Variants in SEMA6D observed in about 807,000 individuals in gnomAD.
The protein encoded by SEMA6D is semaphorin 6D.
Under a neutral mutation model 106.6 loss-of-function variants are expected in SEMA6D, and 35 were observed. The observed-to-expected ratio is 0.33, with a 90% CI of 0.25 to 0.44. The LOEUF (loss-of-function observed/expected upper bound fraction) is 0.44. Ranked by LOEUF, SEMA6D falls within the 20% of genes least tolerant of loss-of-function variation. The pLI, the probability that SEMA6D is intolerant of heterozygous loss-of-function variation, is 1.00. For synonymous variants in SEMA6D, 499 were observed against 487.7 expected, an observed-to-expected ratio of 1.02 and a Z score of -0.31; for missense variants, 1,185 against 1,345.9, an observed-to-expected ratio of 0.88 and a Z score of 1.87.
At chr15:47,420,655 T>G (rs1475934052) in intron 2 of SEMA6D, among the ~76,000 whole-genome samples, 4 of 152,172 alleles carry the variant, frequency 2.6e-5, no homozygotes, top group African/African-American at 9.6e-5. Context: ...CATAAGTGAC[T>G]GTTAACTTTT....
At chr15:47,214,369 C>T (rs577900103) in intron 1 of SEMA6D, among the ~76,000 whole-genome samples, 1 of 152,162 alleles carries the variant, frequency 6.6e-6, no homozygotes, top group Admixed American at 6.5e-5. Flanking sequence ...GTCTGGAAGG[C>T]TTCACAAGCA....
At chr15:47,613,502 C>T (rs2076950404) in intron 4 of SEMA6D, among the ~76,000 whole-genome samples, 1 of 152,086 alleles carries the variant, frequency 6.6e-6, no homozygotes. Flanking sequence ...CCAGGTAGTG[C>T]TCAGTTTTAG....
intron 1 of SEMA6D, among the ~76,000 whole-genome samples, chr15:47,212,500 T>C (rs143073699): frequency 2.5e-3 from 378 of 152,326 alleles, no homozygotes; most frequent in African/African-American, 8.7e-3. Context: ...ATTCAATAAA[T>C]GATTGCTATT....
At chr15:47,348,868 A>C (rs1013467716) in intron 1 of SEMA6D, among the ~76,000 whole-genome samples, 1 of 152,056 alleles carries the variant, frequency 6.6e-6, no homozygotes, top group African/African-American at 2.4e-5. Context: ...CATCCTGATG[A>C]GAGTTGTCCT....
chr15:47,508,329 G>A (rs2141726220), intron 3 of SEMA6D, among the ~76,000 whole-genome samples: 1 of 152,248 alleles, frequency 6.6e-6, no homozygotes, highest in African/African-American at 2.4e-5. Flanking sequence ...TTCTTCCAGG[G>A]GGTTTTGGAT....
chr15:47,714,789 T>C (rs2079080794), upstream of SEMA6D, among the ~76,000 whole-genome samples: 1 of 152,192 alleles, frequency 6.6e-6, no homozygotes, highest in African/African-American at 2.4e-5. Context: ...AATCTAGAGC[T>C]GACTGTATTC....
chr15:47,234,447 G>A (rs2032411248), intron 1 of SEMA6D, among the ~76,000 whole-genome samples: 1 of 151,922 alleles, frequency 6.6e-6, no homozygotes, highest in Non-Finnish European at 1.5e-5. Flanking sequence ...TGCTGCTTGA[G>A]CAGGGTACAT....
intron 1 of SEMA6D, among the ~76,000 whole-genome samples, chr15:47,203,288 A>G (rs1436097289): frequency 6.6e-6 from 1 of 152,032 alleles, no homozygotes; most frequent in Admixed American, 6.6e-5. Flanking sequence ...GGAATTTCTT[A>G]TCTGACTAAG....
chr15:47,386,013 A>G (rs2039826577), intron 1 of SEMA6D, among the ~76,000 whole-genome samples: 2 of 152,220 alleles, frequency 1.3e-5, no homozygotes, highest in Admixed American at 1.3e-4. Context: ...TGTAAAATAG[A>G]TTTGATAATG....
intron 3 of SEMA6D, among the ~76,000 whole-genome samples, chr15:47,579,778 A>G (rs999846126): frequency 2.6e-5 from 4 of 152,156 alleles, no homozygotes; most frequent in Non-Finnish European, 4.4e-5. Context: ...TATGGTACTC[A>G]CCATGTAATT....
chr15:47,287,841 A>G (rs138527092), intron 1 of SEMA6D, among the ~76,000 whole-genome samples: 175 of 152,288 alleles, frequency 1.1e-3, no homozygotes, highest in African/African-American at 3.1e-3. Context: ...TATAAAGAAA[A>G]GAGGTTTAAT....
At chr15:47,234,743 A>C (rs1424281274) in intron 1 of SEMA6D, among the ~76,000 whole-genome samples, 1 of 152,010 alleles carries the variant, frequency 6.6e-6, no homozygotes, top group Non-Finnish European at 1.5e-5. Context: ...TTATCCACTC[A>C]TCAGTTGATG....
chr15:47,290,438 A>C (rs1276559374), intron 1 of SEMA6D, among the ~76,000 whole-genome samples: 1 of 152,228 alleles, frequency 6.6e-6, no homozygotes, highest in East Asian at 1.9e-4. Context: ...AGAATTGTTC[A>C]GTTCTGTGTA....
chr15:47,678,530 T>A (rs2078289333), intron 4 of SEMA6D, among the ~76,000 whole-genome samples: 1 of 152,206 alleles, frequency 6.6e-6, no homozygotes, highest in African/African-American at 2.4e-5. Flanking sequence ...ATTCTTTGCA[T>A]TTCACAGCTG....
intron 1 of SEMA6D, among the ~76,000 whole-genome samples, chr15:47,187,445 T>C (rs1025336372): frequency 6.6e-6 from 1 of 152,180 alleles, no homozygotes; most frequent in Non-Finnish European, 1.5e-5. Context: ...AAACGTACTG[T>C]CTTTTTGCAA....
intron 18 of SEMA6D, among the ~76,000 whole-genome samples, chr15:47,770,231 T>C (rs1250963178): frequency 6.6e-6 from 1 of 152,122 alleles, no homozygotes; most frequent in Admixed American, 6.5e-5. Flanking sequence ...GTAACAACTA[T>C]TTATGAGGGA....
At chr15:47,245,750 T>C (rs1566948375) in intron 1 of SEMA6D, among the ~76,000 whole-genome samples, 1 of 152,212 alleles carries the variant, frequency 6.6e-6, no homozygotes, top group Non-Finnish European at 1.5e-5. Flanking sequence ...GATCCTCTTG[T>C]TTTCAGAGAT....
intron 4 of SEMA6D, among the ~76,000 whole-genome samples, chr15:47,690,999 T>G (rs951243980): frequency 1.3e-5 from 2 of 152,172 alleles, no homozygotes; most frequent in Non-Finnish European, 2.9e-5. Flanking sequence ...AGTTATTTTT[T>G]AGAATATGCC....
intron 3 of SEMA6D, among the ~76,000 whole-genome samples, chr15:47,558,320 A>G (rs145592054): frequency 6.6e-6 from 1 of 152,188 alleles, no homozygotes; most frequent in East Asian, 1.9e-4. Context: ...TATTCTGCCA[A>G]TGAGATAAAT....
Sources: gnomAD v4.1 joint callset for allele counts (sites outside exome capture counted in the v4.1 genomes callset) on GRCh38, gnomAD v4.1.1 for gene constraint, MANE v1.5 for transcripts, NCBI Gene and HGNC (gene_info 2026-07-23, HGNC 2026-07-21) for gene names.